Variants in HDAC4 observed in about 807,000 individuals in gnomAD.
The protein encoded by HDAC4 is histone deacetylase A.
In HDAC4, 16 loss-of-function variants were observed where a neutral mutation model predicts 135.1. That is an observed-to-expected ratio of 0.12 (90% CI 0.08 to 0.18). The LOEUF (loss-of-function observed/expected upper bound fraction) is 0.18, where lower values mean the gene tolerates loss of function less well. Ranked by LOEUF, HDAC4 falls within the 10% of genes least tolerant of loss-of-function variation. HDAC4 has a pLI of 1.00. For synonymous variants in HDAC4, 685 were observed against 653.4 expected (o/e 1.05, Z -0.74); for missense variants, 1,143 against 1,511.8 (o/e 0.76, Z 4.05).
rs1000653498 is a variant in HDAC4 at position 239,299,732 on chromosome 2, T to C, written c.22+52946A>G. On this transcript the variant is annotated intron_variant, in intron 2 of 26. Coordinates refer to ENST00000543185, the MANE Select transcript of HDAC4 (RefSeq NM_001378414.1). This position sits in a 1 kb window ranked among gnomAD's most constrained non-coding sequence, Gnocchi z 4.0. ...ACTGGTGGCCTCCCAGCAGCTCTCATAGACCCTGGACCCAGCACAGTCCAG... is the reference window on the plus strand; with the variant it reads ...ACTGGTGGCCTCCCAGCAGCTCTCACAGACCCTGGACCCAGCACAGTCCAG... Among the ~76,000 whole-genome samples, 1 of 152,200 alleles carries C rather than the reference T, an allele frequency of 6.6e-6. No individual in the cohort carries two copies. The highest frequency in any genetic ancestry group is 1.5e-5 in the Non-Finnish European group (1 of 68,036).
intron 2 of HDAC4, among the ~76,000 whole-genome samples, chr2:239,243,432 G>A (rs1267661886): frequency 6.6e-6 from 1 of 152,156 alleles, no homozygotes; most frequent in Non-Finnish European, 1.5e-5. Context: ...GATTACAGGC[G>A]TGAGCCACCG....
chr2:239,268,538 T>C (rs1368562239), intron 2 of HDAC4, among the ~76,000 whole-genome samples: 1 of 152,274 alleles, frequency 6.6e-6, no homozygotes, highest in African/African-American at 2.4e-5. Context: ...TGCTGGCTTT[T>C]ACCAAGCATT....
rs1349634246 is a variant in HDAC4 at position 239,240,368 on chromosome 2, T to C, written c.23-3704A>G. Among the ~76,000 whole-genome samples the C allele has an allele frequency of 6.6e-6, 1 of 152,250 alleles. No individual in the cohort carries two copies. Among genetic ancestry groups the C allele is most frequent in the East Asian group, 1.9e-4 (1 of 5,200 alleles). On this transcript the variant is annotated intron_variant, in intron 2 of 26. Transcript: ENST00000543185. The surrounding 1 kb of genome is among the most constrained non-coding windows in gnomAD (Gnocchi z 4.5). ...GAATAGATTCTTAACGCTGTGTTTT[T>C]TCAGATATCATATTCCAGAGTGAGT...
At chr2:239,226,391 A>AG (rs1197559208) in intron 3 of HDAC4, among the ~76,000 whole-genome samples, 3 of 152,098 alleles carry the variant, frequency 2.0e-5, no homozygotes, top group African/African-American at 4.8e-5. Context: ...AACACGGTTG[A>AG]GGGGCACTGC....
chr2:239,370,376 G>A (rs185523853), intron 1 of HDAC4, among the ~76,000 whole-genome samples: 11 of 152,218 alleles, frequency 7.2e-5, no homozygotes, highest in African/African-American at 9.6e-5. Context: ...TATGGTTCTC[G>A]CAGGCAGGAG....
intron 2 of HDAC4, among the ~76,000 whole-genome samples, chr2:239,296,498 C>T (rs567277046): frequency 6.6e-6 from 1 of 152,222 alleles, no homozygotes; most frequent in Non-Finnish European, 1.5e-5. Flanking sequence ...AAGGTCACCC[C>T]GTGACATTTC....
Position 239,115,360 on chromosome 2 carries a change from C to T in HDAC4, c.1534-50G>A, listed in dbSNP as rs760016622. 2 of 1,608,752 alleles carry T rather than the reference C, an allele frequency of 1.2e-6. No individual in the cohort carries two copies. The highest frequency in any genetic ancestry group is 1.7e-5 in the Admixed American group (1 of 59,918). On this transcript the variant is annotated intron_variant, in intron 12 of 26. Coordinates refer to ENST00000543185, the MANE Select transcript of HDAC4 (RefSeq NM_001378414.1). The surrounding 1 kb of genome is among the most constrained non-coding windows in gnomAD (Gnocchi z 6.3). The stretch of plus-strand genomic sequence containing the variant: ...AGCACAGAGAGCTGGGTCCTCTGAG[C>T]TCATCTGACAGGAGAAGGGATGCTG...
intron 1 of HDAC4, among the ~76,000 whole-genome samples, chr2:239,360,522 G>A (rs1200860815): frequency 6.6e-6 from 1 of 152,264 alleles, no homozygotes; most frequent in East Asian, 1.9e-4. Context: ...TCGCTTATCT[G>A]ATGAGCACCT....
In HDAC4 at chr2:239,139,719, C is replaced by G; in HGVS notation, c.943G>C (p.Gly315Arg). 1 of 1,614,108 alleles carries G rather than the reference C, an allele frequency of 6.2e-7. No individual in the cohort carries two copies. The highest frequency in any genetic ancestry group is 8.5e-7 in the Non-Finnish European group (1 of 1,179,984). Residue 315 changes from glycine to arginine, a missense_variant, in exon 9 of 27, where the codon GGT (glycine) becomes CGT (arginine). This residue lies in a region of HDAC4 where 272 missense variants were observed against 309.7 expected (regional missense o/e 0.88). Transcript: ENST00000543185. This position sits in a 1 kb window ranked among gnomAD's most constrained non-coding sequence, Gnocchi z 5.3. ...ATGCTGGGGACGGCGGGCGCGATAC[C>G]GTTCTCCGCGCTGACGCTCCCGGAG... ...NSSGSVSAENGIAPAVPSIPA... is the reference protein window; with the variant it reads ...NSSGSVSAENRIAPAVPSIPA...
intron 5 of HDAC4, among the ~76,000 whole-genome samples, chr2:239,168,746 G>A (rs973899034): frequency 2.0e-5 from 3 of 152,176 alleles, no homozygotes; most frequent in Non-Finnish European, 4.4e-5. Context: ...CCCGAGTGGC[G>A]TCCACCACAG....
At chr2:239,100,043 G>A (rs1011380326) in intron 16 of HDAC4, among the ~76,000 whole-genome samples, 24 of 152,232 alleles carry the variant, frequency 1.6e-4, no homozygotes, top group Non-Finnish European at 1.0e-4. Flanking sequence ...TGGCATGGCC[G>A]CAGGCCCCAT....
At position 239,307,872 on chromosome 2, in the gene HDAC4, G is replaced by A. The variant is rs925333850; in HGVS notation, c.22+44806C>T. ...TGGGGACTGTCACACACGTCTCCAC[G>A]CACCCCGAGCCACATCACGTTTTGC... On this transcript the variant is annotated intron_variant, in intron 2 of 26. Transcript: ENST00000543185. This position sits in a 1 kb window ranked among gnomAD's most constrained non-coding sequence, Gnocchi z 4.8. Among the ~76,000 whole-genome samples the A allele has an allele frequency of 6.6e-5, 10 of 152,028 alleles. No homozygotes were observed. Among genetic ancestry groups the A allele is most frequent in the African/African-American group, 1.9e-4 (8 of 41,392 alleles).
chr2:239,196,759 C>T (rs938694224), intron 3 of HDAC4, among the ~76,000 whole-genome samples: 1 of 152,190 alleles, frequency 6.6e-6, no homozygotes, highest in African/African-American at 2.4e-5. Context: ...CAGGTGGGAA[C>T]TGGGCAGAAG....
intron 2 of HDAC4, among the ~76,000 whole-genome samples, chr2:239,244,120 G>C (rs745555070): frequency 4.6e-5 from 7 of 152,214 alleles, no homozygotes; most frequent in Admixed American, 1.3e-4. Context: ...CGTCAGACCA[G>C]AGAAGCCCCG....
rs562795143 is a variant in HDAC4 at position 239,094,446 on chromosome 2, C to T, written c.2280+564G>A. 8 of 971,384 alleles carry T rather than the reference C, an allele frequency of 8.2e-6. No individual in the cohort carries two copies. In the East Asian group the frequency reaches 3.4e-4, roughly 41 times the overall value. The allele number at this position is 971,384 out of a possible 1,614,324, so 60.2% of individuals were successfully genotyped here. The stretch of plus-strand genomic sequence containing the variant: ...CCAGCACAGCCCAGTGATTCATATG[C>T]CCAGGCCAGGTCCATATCATCAGTT... On this transcript the variant is annotated intron_variant, in intron 17 of 26. Coordinates refer to ENST00000543185, the MANE Select transcript of HDAC4 (RefSeq NM_001378414.1).
rs749051152 is a variant in HDAC4 at position 239,053,453 on chromosome 2, T to C, written c.3230+7A>G. On this transcript the variant is annotated splice_region_variant and intron_variant, in intron 26 of 26. Transcript: ENST00000543185. Reference sequence around the variant, plus strand: ...GCCTGCAGGCGGGCGGCAGGGCAGGTGCTCACCTCTTTTCGGCGGGCTTCA... The same window carrying C: ...GCCTGCAGGCGGGCGGCAGGGCAGGCGCTCACCTCTTTTCGGCGGGCTTCA... The C allele has an allele frequency of 5.6e-6, 9 of 1,611,520 alleles. No homozygotes were observed. Among genetic ancestry groups the C allele is most frequent in the Admixed American group, 1.7e-5 (1 of 59,906 alleles).
rs545105328 is a variant in HDAC4 at position 239,395,579 on chromosome 2, T to G, written c.-220+5399A>C. On this transcript the variant is annotated intron_variant, in intron 1 of 26. Transcript: ENST00000543185. ...AAGTAATACACGCTTACCAAAAGAA[T>G]CTCTACAATACCACCATGTATAAAA... Among the ~76,000 whole-genome samples, 980 of 152,276 alleles carry G rather than the reference T, an allele frequency of 6.4e-3. 8 individuals are homozygous for G. Among genetic ancestry groups the G allele is most frequent in the African/African-American group, 0.022 (898 of 41,550 alleles).
At chr2:239,234,791 G>T (rs1321020545) in intron 3 of HDAC4, among the ~76,000 whole-genome samples, 1 of 152,186 alleles carries the variant, frequency 6.6e-6, no homozygotes, top group East Asian at 1.9e-4. Flanking sequence ...GACAGGCAGG[G>T]TGCGCTTCCC....
chr2:239,056,480 G>A (rs1008670936), intron 24 of HDAC4, among the ~76,000 whole-genome samples: 3 of 152,264 alleles, frequency 2.0e-5, no homozygotes, highest in Non-Finnish European at 4.4e-5. Context: ...CCCAGGGCCA[G>A]AGCAGGAACC....
Sources: gnomAD v4.1 joint callset for allele counts (sites outside exome capture counted in the v4.1 genomes callset) on GRCh38, gnomAD v4.1.1 for gene constraint, gnomAD v4.1.1 regional missense constraint, Gnocchi (gnomAD v3.1) non-coding constraint, MANE v1.5 for transcripts, NCBI Gene and HGNC (gene_info 2026-07-23, HGNC 2026-07-21) for gene names.